The following SMARCAD1 variants were observed in gnomAD, a reference collection of about 807,000 sequenced individuals.
SMARCAD1 encodes SWI/SNF-related matrix-associated actin-dependent regulator of chromatin subfamily A containing DEAD/H box 1.
SMARCAD1 carries 25 observed loss-of-function variants against 127.1 expected under a neutral mutation model. The ratio of observed to expected loss-of-function variants is 0.20; its 90% CI spans 0.14 to 0.27. The LOEUF (loss-of-function observed/expected upper bound fraction) is 0.27, where lower values mean the gene tolerates loss of function less well. SMARCAD1 is among the 10% of genes least tolerant of loss of function. The pLI is 1.00. For synonymous variants in SMARCAD1, 400 were observed against 396.9 expected (o/e 1.01, Z -0.09); for missense variants, 807 against 1,206.0 (o/e 0.67, Z 4.90).
chr4:94,231,614 A>G (rs941954023), intron 3 of SMARCAD1, among the ~76,000 whole-genome samples: 1 of 152,194 alleles, frequency 6.6e-6, no homozygotes, highest in African/African-American at 2.4e-5. Context: ...AATTACGGAC[A>G]TCCCAGCATT....
intron 19 of SMARCAD1, 57 bp from the exon 20 acceptor site, chr4:94,280,535 C>T: frequency 1.4e-6 from 2 of 1,442,192 alleles, no homozygotes. Context: ...AAACTTTTCT[C>T]ATCATATTAT....
chr4:94,219,253 A>C (rs926979739), intron 2 of SMARCAD1, among the ~76,000 whole-genome samples: 1 of 152,216 alleles, frequency 6.6e-6, no homozygotes, highest in Admixed American at 6.5e-5. Context: ...AACGGCAGGG[A>C]TTTATAATTC....
chr4:94,236,922 T>G, intron 4 of SMARCAD1, 30 bp from the exon 5 acceptor site: 1 of 1,567,124 alleles, frequency 6.4e-7, no homozygotes, highest in Non-Finnish European at 8.8e-7. Flanking sequence ...AGTGCTGATT[T>G]AAAACATTAA....
At chr4:94,286,950 C>T (rs563570889) in intron 23 of SMARCAD1, among the ~76,000 whole-genome samples, 10 of 152,196 alleles carry the variant, frequency 6.6e-5, no homozygotes, top group East Asian at 3.9e-4. Flanking sequence ...CTGCAAGCTC[C>T]GCCTCCCGGG....
At position 94,264,787 on chromosome 4, in the gene SMARCAD1, A is replaced by G. The variant is rs772557950; in HGVS notation, c.1362A>G (p.Val454=). The change falls in exon 10 of 24, where the codon GTA becomes GTG. Residue 454 remains valine (V), a synonymous_variant. Transcript: ENST00000354268. ...AAACACTGATCCAAGAAAGAGATGT[A>G]GTTATAAGGCTTATGAACAAATGTG... ...HCKTLIQERD[V]VIRLMNKCED... is the part of the protein sequence containing the mutation. 1.2e-5 allele frequency: 19 copies of G among 1,612,682 alleles called. No individual in the cohort carries two copies. The highest frequency in any genetic ancestry group is 1.4e-5 in the Non-Finnish European group (17 of 1,179,194).
At chr4:94,264,328 G>A (rs1011724147) in intron 9 of SMARCAD1, among the ~76,000 whole-genome samples, 1 of 151,876 alleles carries the variant, frequency 6.6e-6, no homozygotes, top group Admixed American at 6.6e-5. Flanking sequence ...ATTACCTTTG[G>A]TATTAGGGAA....
intron 10 of SMARCAD1, among the ~76,000 whole-genome samples, chr4:94,268,497 A>G (rs1289394815): frequency 1.3e-5 from 2 of 152,200 alleles, no homozygotes; most frequent in African/African-American, 4.8e-5. Context: ...TGTGAGCCTT[A>G]TGTGAATAGG....
intron 10 of SMARCAD1, among the ~76,000 whole-genome samples, chr4:94,267,643 A>G (rs532235603): frequency 2.6e-5 from 4 of 152,290 alleles, no homozygotes; most frequent in East Asian, 3.9e-4. Flanking sequence ...TAACAAAACA[A>G]TAACTTCAAA....
At chr4:94,249,821 A>G (rs1749008282) in intron 7 of SMARCAD1, 66 bp downstream of exon 7, 1 of 917,090 alleles carries the variant, frequency 1.1e-6, no homozygotes, top group Non-Finnish European at 1.8e-6. Context: ...AATAGTGTTA[A>G]GAGTTCAACC....
Position 94,226,242 on chromosome 4 carries a change from A to G in SMARCAD1, c.314A>G (p.Asn105Ser). ...GATAGTGAAGATGTCGTTTCCCCAA[A>G]TTGCTCCAATACAGTTCAAGAGAAA... Reference protein sequence around the residue: ...SSDSEDVVSPNCSNTVQEKTF... With the variant: ...SSDSEDVVSPSCSNTVQEKTF... Residue 105 changes from asparagine (N) to serine (S), a missense_variant, in exon 3 of 24, where the codon AAT becomes AGT. Asn to Ser is a conservative substitution (Grantham distance 46). This residue lies in a region of SMARCAD1 where 175 missense variants were observed against 169.5 expected (regional missense o/e 1.03). Coordinates refer to ENST00000354268, the MANE Select transcript of SMARCAD1 (RefSeq NM_020159.5). The G allele has an allele frequency of 6.2e-7, 1 of 1,613,526 alleles. No homozygotes were observed. The highest frequency in any genetic ancestry group is 1.1e-5 in the South Asian group (1 of 91,072).
intron 3 of SMARCAD1, among the ~76,000 whole-genome samples, chr4:94,227,887 G>A (rs918403683): frequency 7.9e-5 from 12 of 152,292 alleles, no homozygotes; most frequent in African/African-American, 2.9e-4. Flanking sequence ...AGGGACACTA[G>A]TATAGTATAG....
At chr4:94,284,904 T>TTTGG in intron 22 of SMARCAD1, 56 bp from the exon 23 acceptor site, 3 of 1,017,146 alleles carry the variant, frequency 2.9e-6, no homozygotes, top group Non-Finnish European at 4.6e-6. Flanking sequence ...ATAGTTTACA[T>TTTGG]ATATCCAAAT....
chr4:94,225,983 T>C, intron 2 of SMARCAD1, 136 bp from the exon 3 acceptor site: 2 of 782,018 alleles, frequency 2.6e-6, no homozygotes, highest in Non-Finnish European at 4.0e-6. Context: ...TTTTTTTCTT[T>C]AAAAAGTGGT....
At chr4:94,215,496 C>T (rs1222365030) in intron 2 of SMARCAD1, among the ~76,000 whole-genome samples, 1 of 151,824 alleles carries the variant, frequency 6.6e-6, no homozygotes, top group Non-Finnish European at 1.5e-5. Context: ...TGGTGTGCAC[C>T]TGTAGTCCTA....
intron 9 of SMARCAD1, among the ~76,000 whole-genome samples, chr4:94,256,019 T>G (rs781162719): frequency 1.3e-5 from 2 of 152,160 alleles, no homozygotes; most frequent in Admixed American, 1.3e-4. Flanking sequence ...ATTGCCAAAT[T>G]TCACACATTT....
At chr4:94,239,480 A>G (rs951755802) in intron 5 of SMARCAD1, among the ~76,000 whole-genome samples, 1 of 151,782 alleles carries the variant, frequency 6.6e-6, no homozygotes, top group Non-Finnish European at 1.5e-5. Context: ...AAAAATGTAT[A>G]TCCAAAGTTT....
At chr4:94,240,044 T>C (rs879748065) in intron 5 of SMARCAD1, among the ~76,000 whole-genome samples, 1 of 152,230 alleles carries the variant, frequency 6.6e-6, no homozygotes, top group Non-Finnish European at 1.5e-5. Context: ...ATTTTTATTT[T>C]GTAATAGCCA....
chr4:94,219,967 CTG>C (rs1254532957), intron 2 of SMARCAD1, among the ~76,000 whole-genome samples: 5 of 152,200 alleles, frequency 3.3e-5, no homozygotes, highest in African/African-American at 1.2e-4. Context: ...TTCTTTATAA[CTG>C]TTTCTGCTTT....
At chr4:94,233,171 C>G (rs1027796325) in intron 3 of SMARCAD1, among the ~76,000 whole-genome samples, 1 of 152,168 alleles carries the variant, frequency 6.6e-6, no homozygotes, top group Non-Finnish European at 1.5e-5. Flanking sequence ...TCTGAGTTCA[C>G]TAATGTTAAG....
Sources: gnomAD v4.1 joint callset for allele counts (sites outside exome capture counted in the v4.1 genomes callset) on GRCh38, gnomAD v4.1.1 for gene constraint, gnomAD v4.1.1 regional missense constraint, MANE v1.5 for transcripts, NCBI Gene and HGNC (gene_info 2026-07-23, HGNC 2026-07-21) for gene names.